MARCHF7: variants seen among roughly 807,000 people sequenced by gnomAD.
MARCHF7 encodes membrane associated ring-CH-type finger 7, also known as E3 ubiquitin-protein ligase MARCHF7.
Under a neutral mutation model 76.5 loss-of-function variants are expected in MARCHF7, and 20 were observed. The observed-to-expected ratio is 0.26, with a 90% CI of 0.18 to 0.38. The LOEUF is 0.38. MARCHF7 is among the 10% of genes least tolerant of loss of function. MARCHF7 has a pLI of 1.00. For synonymous variants in MARCHF7, 295 were observed against 293.0 expected, an observed-to-expected ratio of 1.01 and a Z score of -0.07; for missense variants, 797 against 812.9, an observed-to-expected ratio of 0.98 and a Z score of 0.24.
intron 11 of MARCHF7, among the ~76,000 whole-genome samples, chr2:159,765,213 T>G (rs1311075734): frequency 6.6e-6 from 1 of 151,908 alleles, no homozygotes; most frequent in Non-Finnish European, 1.5e-5. Flanking sequence ...TGGGTTTTTT[T>G]TTGGCTTTTT....
intron 3 of MARCHF7, among the ~76,000 whole-genome samples, chr2:159,723,554 C>G (rs1034987711): frequency 6.6e-6 from 1 of 152,138 alleles, no homozygotes; most frequent in African/African-American, 2.4e-5. Flanking sequence ...TTAGCTATTT[C>G]TTTTAGGACT....
intron 4 of MARCHF7, among the ~76,000 whole-genome samples, chr2:159,741,258 A>G (rs1392724744): frequency 6.6e-6 from 1 of 151,918 alleles, no homozygotes; most frequent in Non-Finnish European, 1.5e-5. Context: ...GGTCCCAGCT[A>G]CTCTGGAGAC....
At chr2:159,732,497 C>T (rs1463774015) in intron 4 of MARCHF7, among the ~76,000 whole-genome samples, 1 of 152,098 alleles carries the variant, frequency 6.6e-6, no homozygotes, top group African/African-American at 2.4e-5. Context: ...AATTGAAACT[C>T]CTGTGTTCTT....
chr2:159,747,084 A>T (rs13397597), intron 6 of MARCHF7, among the ~76,000 whole-genome samples: 52,291 of 151,976 alleles, frequency 0.34, 9,193 homozygotes, highest in South Asian at 0.44. Flanking sequence ...GTTTCTTTGC[A>T]AAGGAATCCT....
At chr2:159,724,807 T>C (rs181786326) in intron 3 of MARCHF7, among the ~76,000 whole-genome samples, 13 of 152,270 alleles carry the variant, frequency 8.5e-5, no homozygotes, top group African/African-American at 2.4e-4. Flanking sequence ...GCAATAGATA[T>C]TTCTCTTAAT....
At chr2:159,754,694 T>C (rs372281105) in intron 8 of MARCHF7, among the ~76,000 whole-genome samples, 66 of 152,158 alleles carry the variant, frequency 4.3e-4, no homozygotes, top group African/African-American at 1.4e-3. Flanking sequence ...AGAGCACAAG[T>C]TGAGTGGTTG....
chr2:159,718,788 C>A (rs1222742691), intron 3 of MARCHF7, among the ~76,000 whole-genome samples: 1 of 151,992 alleles, frequency 6.6e-6, no homozygotes, highest in African/African-American at 2.4e-5. Flanking sequence ...TTTCATAGTA[C>A]CCCAAATTCT....
intron 4 of MARCHF7, chr2:159,733,931 G>C (rs1703130655): frequency 6.4e-6 from 8 of 1,241,308 alleles, no homozygotes; most frequent in Non-Finnish European, 8.1e-6. Flanking sequence ...GTTCCGAACA[G>C]TTGATTTCCT....
intron 10 of MARCHF7, among the ~76,000 whole-genome samples, chr2:159,764,255 T>TGTGTGTGTGTGTGTGTGCGCGC (rs10592175): frequency 4.7e-4 from 62 of 131,470 alleles, no homozygotes; most frequent in East Asian, 1.6e-3. Context: ...TGTGTGTGTG[T>TGTGTGTGTGTGTGTGTGCGCGC]GCGCGCGCCC....
chr2:159,761,738 T>C (rs1707137656), intron 9 of MARCHF7, among the ~76,000 whole-genome samples: 1 of 152,174 alleles, frequency 6.6e-6, no homozygotes, highest in Non-Finnish European at 1.5e-5. Flanking sequence ...CTCAGTAGAC[T>C]CTGATAATCA....
At chr2:159,726,956 G>T (rs1702242118) in intron 3 of MARCHF7, among the ~76,000 whole-genome samples, 2 of 152,158 alleles carry the variant, frequency 1.3e-5, no homozygotes, top group African/African-American at 4.8e-5. Flanking sequence ...TTGCTGCCTA[G>T]AAACAATAGG....
intron 5 of MARCHF7, among the ~76,000 whole-genome samples, chr2:159,743,971 G>GTTTTTT (rs1412931838): frequency 8.3e-5 from 9 of 108,402 alleles, no homozygotes; most frequent in Non-Finnish European, 1.3e-4. Context: ...TTTAGTAGGA[G>GTTTTTT]TTCTTTTTTT....
intron 3 of MARCHF7, among the ~76,000 whole-genome samples, chr2:159,722,166 T>A (rs1181856165): frequency 1.3e-5 from 2 of 152,196 alleles, no homozygotes; most frequent in Non-Finnish European, 2.9e-5. Context: ...TGAGACAGTC[T>A]TTCTCTGTTG....
chr2:159,728,858 A>G (rs1702460904), intron 3 of MARCHF7, among the ~76,000 whole-genome samples, 151 bp from the exon 4 acceptor site: 1 of 152,202 alleles, frequency 6.6e-6, no homozygotes, highest in Non-Finnish European at 1.5e-5. Context: ...GCTTTGCGGA[A>G]GAGAAGTGGT....
intron 1 of MARCHF7, among the ~76,000 whole-genome samples, chr2:159,714,083 A>T (rs925786940): frequency 6.6e-6 from 1 of 152,192 alleles, no homozygotes; most frequent in Admixed American, 6.5e-5. Context: ...CAGGTAACGA[A>T]CTTGGACACA....
In MARCHF7 at chr2:159,748,511, T is replaced by C. The variant is rs1164550507; in HGVS notation, c.1221T>C (p.Asp407=). The C allele has an allele frequency of 6.2e-7, 1 of 1,614,124 alleles. No homozygotes were observed. Among genetic ancestry groups the C allele is most frequent in the East Asian group, 2.2e-5 (1 of 44,892 alleles). ...LFSRRRREGR[D]ESSRIPTSDT... ...CTAGAAGGAGGCGAGAGGGAAGAGA[T>C]GAATCTTCAAGGATACCTACCTCTG... is the stretch of plus-strand genomic sequence containing the variant. Residue 407 remains aspartate, a synonymous_variant, in exon 7 of 12, where the codon GAT becomes GAC. Transcript: ENST00000409175.
chr2:159,747,462 C>T (rs1013438980), intron 6 of MARCHF7, among the ~76,000 whole-genome samples: 2 of 151,898 alleles, frequency 1.3e-5, no homozygotes, highest in East Asian at 1.9e-4. Context: ...TGTTCAAAAT[C>T]GTCTCAATTT....
At chr2:159,763,047 C>A in intron 10 of MARCHF7, 54 bp downstream of exon 10, 2 of 1,094,086 alleles carry the variant, frequency 1.8e-6, no homozygotes, top group Non-Finnish European at 1.4e-6. Context: ...AAGTGTATGC[C>A]TTGGAAAGCA....
rs559453981 is a variant in MARCHF7, at chr2:159,764,858, C to T, written c.2056+184C>T. The stretch of plus-strand genomic sequence containing the variant: ...GACATTAGTTGTTTTTTTTTTTAAG[C>T]ATATTTTAAGGTATGGAAGCATGTA... On this transcript the variant is annotated intron_variant, in intron 11 of 11. Transcript: ENST00000409175. Among the ~76,000 whole-genome samples, 97 of 148,022 alleles carry T rather than the reference C, an allele frequency of 6.6e-4. No individual in the cohort carries two copies. In the South Asian group the frequency reaches 6.6e-3, roughly 10 times the overall value.
Sources: gnomAD v4.1 joint callset for allele counts (sites outside exome capture counted in the v4.1 genomes callset) on GRCh38, gnomAD v4.1.1 for gene constraint, MANE v1.5 for transcripts, NCBI Gene and HGNC (gene_info 2026-07-23, HGNC 2026-07-21) for gene names.